The following ZNF354A variants were observed in gnomAD, a reference collection of about 807,000 sequenced individuals.
ZNF354A encodes the protein epididymis luminal protein 104.
ZNF354A carries 25 observed loss-of-function variants against 53.3 expected under a neutral mutation model. The ratio of observed to expected loss-of-function variants is 0.47; its 90% CI spans 0.34 to 0.66. The LOEUF (loss-of-function observed/expected upper bound fraction) is 0.66. ZNF354A is among the 30% of genes least tolerant of loss of function. The pLI, the probability that ZNF354A is intolerant of heterozygous loss-of-function variation, is 0.01. For missense variants in ZNF354A, 586 were observed against 716.8 expected, an observed-to-expected ratio of 0.82 and a Z score of 2.08; for synonymous variants, 228 against 249.0, an observed-to-expected ratio of 0.92 and a Z score of 0.79.
chr5:178,712,614 T>C lies in ZNF354A; in HGVS notation c.1264A>G (p.Ile422Val), dbSNP rs2113866058. Residue 422 changes from isoleucine (I) to valine (V), a missense_variant, in exon 5 of 5, where the codon ATT becomes GTT. Around this residue, in one of 2 missense-constraint regions of ZNF354A, gnomAD observed 573 missense variants for 680.1 expected, o/e 0.84. Transcript: ENST00000335815. ...ATTCGGTGTCTATTAAGTCGTGAAATAGAAGTAAAGCCTTTCCCACATTCA... is the reference window on the plus strand; with the variant it reads ...ATTCGGTGTCTATTAAGTCGTGAAACAGAAGTAAAGCCTTTCCCACATTCA... ...CNECGKGFTS[I>V]SRLNRHRIIH... 5.0e-6 allele frequency: 8 copies of C among 1,614,190 alleles called. No homozygotes were observed. Among genetic ancestry groups the C allele is most frequent in the Admixed American group, 1.7e-5 (1 of 60,024 alleles).
intron 4 of ZNF354A, among the ~76,000 whole-genome samples, chr5:178,717,187 C>T (rs1166750378): frequency 1.3e-5 from 2 of 151,658 alleles, no homozygotes; most frequent in African/African-American, 4.8e-5. Context: ...GGAATTTAAG[C>T]CTACGGGAAG....
intron 2 of ZNF354A, among the ~76,000 whole-genome samples, chr5:178,727,665 G>A (rs922969271): frequency 1.3e-5 from 2 of 152,192 alleles, no homozygotes; most frequent in African/African-American, 4.8e-5. Flanking sequence ...TATGGGCCAA[G>A]TATTGATCTT....
At position 178,713,331 on chromosome 5, in the gene ZNF354A, C is replaced by T. The variant is rs751832707; in HGVS notation, c.547G>A (p.Glu183Lys). ...ATTTCACATTTTGGTGGTGTTTTTT[C>T]TCTGGGAAGTATCTGTTGCCTAATA... is the stretch of plus-strand genomic sequence containing the variant. ...VLIRQQILPR[E>K]KTPPKCEIQG... The change falls in exon 5 of 5, where the codon GAA becomes AAA. Residue 183 changes from glutamate (E) to lysine (K), a missense_variant. Physicochemically the swap from Glu to Lys is moderately conservative, Grantham distance 56. Transcript: ENST00000335815. 6.2e-7 allele frequency: 1 copy of T among 1,614,004 alleles called. No homozygotes were observed. Among genetic ancestry groups the T allele is most frequent in the Admixed American group, 1.7e-5 (1 of 60,012 alleles).
At chr5:178,714,097 T>C (rs1184221043) in intron 4 of ZNF354A, among the ~76,000 whole-genome samples, 1 of 151,960 alleles carries the variant, frequency 6.6e-6, no homozygotes, top group Non-Finnish European at 1.5e-5. Context: ...ACCGGTCTCC[T>C]GGCTTCAAGC....
chr5:178,721,913 AAG>A (rs1765819795), intron 4 of ZNF354A, among the ~76,000 whole-genome samples: 1 of 152,156 alleles, frequency 6.6e-6, no homozygotes, highest in South Asian at 2.1e-4. Flanking sequence ...TCAAAACCTT[AAG>A]AGTTATCCTT....
In ZNF354A at chr5:178,722,038, C is replaced by G. The variant is rs149750780; in HGVS notation, c.256+3338G>C. ...CTTTTCCCCATCTACTGCTACCATT[C>G]CATCATGAGCCTTGCCTCCAATGTC... On this transcript the variant is annotated intron_variant, in intron 4 of 4. Coordinates refer to ENST00000335815, the MANE Select transcript of ZNF354A (RefSeq NM_005649.3). Among the ~76,000 whole-genome samples, 18 of 152,324 alleles carry G rather than the reference C, an allele frequency of 1.2e-4. No homozygotes were observed. The East Asian group carries it at 3.1e-3, about 26-fold the overall frequency.
At chr5:178,726,925 G>A (rs1490858814) in intron 3 of ZNF354A, 74 bp downstream of exon 3, 23 of 1,528,194 alleles carry the variant, frequency 1.5e-5, no homozygotes, top group Admixed American at 4.3e-5. Flanking sequence ...GTGACCAACC[G>A]CTTTTATTCA....
chr5:178,722,457 G>A lies in ZNF354A; in HGVS notation c.256+2919C>T, dbSNP rs181502002. On this transcript the variant is annotated intron_variant, in intron 4 of 4. Coordinates refer to ENST00000335815, the MANE Select transcript of ZNF354A (RefSeq NM_005649.3). Reference sequence around the variant, plus strand: ...ATCTCACTGAATGACATCACCAACCGTCACAGAACAAACCAGAAACCAAGC... The same window carrying A: ...ATCTCACTGAATGACATCACCAACCATCACAGAACAAACCAGAAACCAAGC... Among the ~76,000 whole-genome samples, 530 of 152,162 alleles carry A rather than the reference G, an allele frequency of 3.5e-3. 2 individuals are homozygous for A. The highest frequency in any genetic ancestry group is 6.8e-3 in the Middle Eastern group (2 of 294).
chr5:178,728,035 G>C (rs1309718176), intron 2 of ZNF354A, among the ~76,000 whole-genome samples: 3 of 152,124 alleles, frequency 2.0e-5, no homozygotes, highest in Non-Finnish European at 4.4e-5. Flanking sequence ...ATTTTTAGTA[G>C]AGACAGGGTT....
rs1041719412 is a variant in ZNF354A, at chr5:178,712,537, T to C, written c.1341A>G (p.Leu447=). 1.2e-6 allele frequency: 2 copies of C among 1,614,164 alleles called. No individual in the cohort carries two copies. The highest frequency in any genetic ancestry group is 1.7e-6 in the Non-Finnish European group (2 of 1,180,022). ...FYNCNECGKA[L]SSHSTLIIHE... ...GAATAATAAGTGTTGAGTGGGAGCT[T>C]AAGGCTTTACCACATTCATTACAAT... Residue 447 remains leucine (L), a synonymous_variant, in exon 5 of 5, where the codon TTA becomes TTG. Transcript: ENST00000335815.
intron 4 of ZNF354A, among the ~76,000 whole-genome samples, chr5:178,716,186 A>G (rs549598644): frequency 6.6e-6 from 1 of 152,250 alleles, no homozygotes; most frequent in South Asian, 2.1e-4. Flanking sequence ...GTGAGCCATC[A>G]TGCCCGGCCA....
intron 4 of ZNF354A, among the ~76,000 whole-genome samples, chr5:178,715,900 GTT>G (rs11287612): frequency 0.27 from 39,349 of 143,800 alleles, 5,304 homozygotes; most frequent in South Asian, 0.4. Flanking sequence ...AATCTCTGTG[GTT>G]TTTTTTTTTT....
rs368508066 is a variant in ZNF354A, at chr5:178,725,371, C to G, written c.256+5G>C. 13 of 1,613,480 alleles carry G rather than the reference C, an allele frequency of 8.1e-6. No individual in the cohort carries two copies. In the East Asian group the frequency reaches 1.1e-4, roughly 14 times the overall value. ...GCCATTCCGCACCTCGGGCCACCCA[C>G]TTACCTAGAGAGGAGACGCCAGAAC... is the stretch of plus-strand genomic sequence containing the variant. On this transcript the variant is annotated splice_donor_5th_base_variant and intron_variant, in intron 4 of 4. Transcript: ENST00000335815.
chr5:178,729,872 G>GCTTCTTTTTTTTTTTTTTTT (rs746292908), intron 1 of ZNF354A, among the ~76,000 whole-genome samples: 2 of 143,334 alleles, frequency 1.4e-5, no homozygotes, highest in Non-Finnish European at 1.5e-5. Flanking sequence ...CTAACACGAT[G>GCTTCTTTTTTTTTTTTTTTT]TTTCTTTTTT....
rs1354496398 is a variant in ZNF354A at position 178,713,307 on chromosome 5, T to G, written c.571A>C (p.Ile191Leu). ...PREKTPPKCE[I>L]QGNSLKQNSQ... is the part of the protein sequence containing the mutation. ...TTCTGTTTGAGGCTGTTTCCTTGTA[T>G]TTCACATTTTGGTGGTGTTTTTTCT... The change falls in exon 5 of 5, where the codon ATA (isoleucine) becomes CTA (leucine). Residue 191 changes from isoleucine to leucine, a missense_variant. Coordinates refer to ENST00000335815, the MANE Select transcript of ZNF354A (RefSeq NM_005649.3). 1 of 1,614,194 alleles carries G rather than the reference T, an allele frequency of 6.2e-7. No individual in the cohort carries two copies. Among genetic ancestry groups the G allele is most frequent in the Non-Finnish European group, 8.5e-7 (1 of 1,180,024 alleles).
chr5:178,717,154 A>G (rs1038168510), intron 4 of ZNF354A, among the ~76,000 whole-genome samples: 1 of 151,984 alleles, frequency 6.6e-6, no homozygotes, highest in African/African-American at 2.4e-5. Context: ...AAATCCTCTA[A>G]GGCCCAGGTC....
intron 3 of ZNF354A, chr5:178,726,243 T>TG (rs964263167): frequency 1.5e-5 from 7 of 452,678 alleles, no homozygotes; most frequent in African/African-American, 4.1e-5. Context: ...CAAAGAATGG[T>TG]GGGAAAAAAA....
chr5:178,729,923 GC>G lies in ZNF354A; in HGVS notation c.-52+632del, dbSNP rs537074664. Among the ~76,000 whole-genome samples the G allele has an allele frequency of 1.2e-3, 173 of 149,204 alleles. 1 individual carries two copies. Among genetic ancestry groups the G allele is most frequent in the African/African-American group, 3.9e-3 (161 of 40,920 alleles). ...TCTGTCGCTCAGGCTGGAGTGCAGG[GC>G]TTGATCTCGGCTCACTGCAAGCTCC... On this transcript the variant is annotated intron_variant, in intron 1 of 4. Coordinates refer to ENST00000335815, the MANE Select transcript of ZNF354A (RefSeq NM_005649.3).
At chr5:178,722,526 T>C (rs1042155328) in intron 4 of ZNF354A, among the ~76,000 whole-genome samples, 2 of 152,150 alleles carry the variant, frequency 1.3e-5, no homozygotes, top group Non-Finnish European at 2.9e-5. Flanking sequence ...TGCTTTTATT[T>C]TCTTTGTTAC....
Sources: allele counts gnomAD v4.1 joint callset (sites outside exome capture counted in the v4.1 genomes callset), GRCh38; gene constraint gnomAD v4.1.1; regional missense constraint gnomAD v4.1.1; transcripts MANE v1.5; gene names NCBI Gene and HGNC (gene_info 2026-07-23, HGNC 2026-07-21).